PDPK1: variants seen among roughly 807,000 people sequenced by gnomAD.
The protein encoded by PDPK1 is 3-phosphoinositide-dependent protein kinase 1.
In PDPK1, 7 loss-of-function variants were observed where a neutral mutation model predicts 39.8. That is an observed-to-expected ratio of 0.18 (90% CI 0.10 to 0.33). The LOEUF (loss-of-function observed/expected upper bound fraction) is 0.33, where lower values mean the gene tolerates loss of function less well. Among genes scored for constraint, PDPK1 ranks in the 10% least tolerant of loss-of-function variants. PDPK1 has a pLI of 1.00. For synonymous variants in PDPK1, 118 were observed against 159.1 expected (o/e 0.74, Z 1.95); for missense variants, 182 against 384.7 (o/e 0.47, Z 4.41).
intron 1 of PDPK1, among the ~76,000 whole-genome samples, chr16:2,539,756 C>T (rs1328966690): frequency 1.3e-5 from 2 of 152,110 alleles, no homozygotes; most frequent in Admixed American, 1.3e-4. Flanking sequence ...TAACCTGCAC[C>T]CAGTGACAGT....
Position 2,601,811 on chromosome 16 carries a change from C to G in PDPK1, c.*4044C>G. On this transcript the variant is annotated 3_prime_UTR_variant, in exon 14 of 14. Transcript: ENST00000342085. ...GCTGGTGTAGATTTCAGGCCGCCCCCCCCAACTCCCTGCCCACAGTGTTGC... is the reference window on the plus strand; with the variant it reads ...GCTGGTGTAGATTTCAGGCCGCCCCGCCCAACTCCCTGCCCACAGTGTTGC... The G allele has an allele frequency of 4.4e-6, 1 of 227,100 alleles. No individual in the cohort carries two copies. The highest frequency in any genetic ancestry group is 8.8e-6 in the Non-Finnish European group (1 of 114,142). The allele number at this position is 227,100 out of a possible 1,614,324, so 14.1% of individuals were successfully genotyped here. A position where few individuals can be genotyped will look rare whatever the true frequency, so the allele number is the denominator to read the frequency against.
chr16:2,544,293 G>C (rs2066294480), intron 1 of PDPK1, among the ~76,000 whole-genome samples: 1 of 152,102 alleles, frequency 6.6e-6, no homozygotes, highest in South Asian at 2.1e-4. Context: ...GAAAAGCTTG[G>C]AGGGAGGTTC....
intron 6 of PDPK1, chr16:2,576,339 T>G (rs1056388100): frequency 2.0e-5 from 3 of 148,590 alleles, no homozygotes; most frequent in African/African-American, 7.9e-5. Context: ...CTTCGTTTGT[T>G]TTTGGCCCTT....
intron 1 of PDPK1, among the ~76,000 whole-genome samples, chr16:2,546,502 T>C (rs529251954): frequency 6.6e-6 from 1 of 152,224 alleles, no homozygotes; most frequent in African/African-American, 2.4e-5. Flanking sequence ...CTGGGCTAAT[T>C]TGTGTATTTT....
intron 7 of PDPK1, among the ~76,000 whole-genome samples, chr16:2,578,170 C>T (rs937636312): frequency 6.8e-6 from 1 of 147,746 alleles, no homozygotes; most frequent in East Asian, 2.1e-4. Flanking sequence ...CTCGGCCACA[C>T]ACCAGCTGCA....
rs2067191341 is a variant in PDPK1 at position 2,600,282 on chromosome 16, GACTTGGGGCCA to G, written c.*2516_*2526del. On this transcript the variant is annotated 3_prime_UTR_variant, in exon 14 of 14. Coordinates refer to ENST00000342085, the MANE Select transcript of PDPK1 (RefSeq NM_002613.5). ...GGAAGATTTCACCTGCTGTTTAATAGACTTGGGGCCATGTGCCTCCCCACACATGGGCAAGG... is the reference window on the plus strand; with the variant it reads ...GGAAGATTTCACCTGCTGTTTAATAGTGTGCCTCCCCACACATGGGCAAGG... 1 of 233,360 alleles carries G rather than the reference GACTTGGGGCCA, an allele frequency of 4.3e-6. No homozygotes were observed. The highest frequency in any genetic ancestry group is 8.5e-6 in the Non-Finnish European group (1 of 118,166). The allele number at this position is 233,360 out of a possible 1,614,324, so 14.5% of individuals were successfully genotyped here.
chr16:2,590,203 C>G (rs1022122151), intron 11 of PDPK1, among the ~76,000 whole-genome samples: 1 of 152,138 alleles, frequency 6.6e-6, no homozygotes, highest in Admixed American at 6.5e-5. Context: ...TCACTGCAAC[C>G]TCTACCTCCT....
Position 2,599,258 on chromosome 16 carries a change from G to T in PDPK1, c.*1491G>T, listed in dbSNP as rs2067164988. ...GGCAGACATTGCTGCCCACAGACCT[G>T]CCTCTGACTCAACTGTGTCCACCCT... On this transcript the variant is annotated 3_prime_UTR_variant, in exon 14 of 14. Transcript: ENST00000342085. The T allele has an allele frequency of 2.1e-5, 5 of 233,116 alleles. No individual in the cohort carries two copies. The highest frequency in any genetic ancestry group is 3.4e-5 in the Non-Finnish European group (4 of 118,056). The allele number at this position is 233,116 out of a possible 1,614,324, so 14.4% of individuals were successfully genotyped here.
rs556118246 is a variant in PDPK1, at chr16:2,593,183, G to A, written c.1344-2610G>A. ...CATGCCCAGATGATCAGGGTGGAGC[G>A]GCCCAGCTCAATGTCTTCATTTAGG... On this transcript the variant is annotated intron_variant, in intron 11 of 13. Transcript: ENST00000342085. The surrounding 1 kb of genome is among the most constrained non-coding windows in gnomAD (Gnocchi z 4.2). 28 of 428,712 alleles carry A rather than the reference G, an allele frequency of 6.5e-5. No individual in the cohort carries two copies. Among genetic ancestry groups the A allele is most frequent in the African/African-American group, 2.1e-4 (10 of 48,580 alleles). 26.6% of individuals were successfully genotyped at this position (428,712 alleles called of 1,614,324 possible).
chr16:2,597,411 C>T lies in PDPK1; in HGVS notation c.1554+136C>T, dbSNP rs377482205. The T allele has an allele frequency of 7.5e-5, 62 of 824,608 alleles. No homozygotes were observed. The Middle Eastern group carries it at 1.7e-3, about 23-fold the overall frequency. The allele number at this position is 824,608 out of a possible 1,614,324, so 51.1% of individuals were successfully genotyped here. On this transcript the variant is annotated intron_variant, in intron 13 of 13. Transcript: ENST00000342085. This position sits in a 1 kb window ranked among gnomAD's most constrained non-coding sequence, Gnocchi z 6.3. ...GCCTCGCCCTTTCCGACATCCCAGA[C>T]GCCCACACTAGTGGCTCAGTCCTGA...
At position 2,597,363 on chromosome 16, in the gene PDPK1, G is replaced by C; in HGVS notation, c.1554+88G>C. 8 of 1,213,586 alleles carry C rather than the reference G, an allele frequency of 6.6e-6. No homozygotes were observed. The highest frequency in any genetic ancestry group is 1.5e-5 in the African/African-American group (1 of 66,252). 75.2% of individuals were successfully genotyped at this position (1,213,586 alleles called of 1,614,324 possible). A position where few individuals can be genotyped will look rare whatever the true frequency, so the allele number is the denominator to read the frequency against. On this transcript the variant is annotated intron_variant, in intron 13 of 13. Coordinates refer to ENST00000342085, the MANE Select transcript of PDPK1 (RefSeq NM_002613.5). The surrounding 1 kb of genome is among the most constrained non-coding windows in gnomAD (Gnocchi z 6.3). Reference sequence around the variant, plus strand: ...AGCAGCCACAGGCCTTGGCCAGAGGGAGCAGCGGGGATCGGGGCAGCTGCC... The same window carrying C: ...AGCAGCCACAGGCCTTGGCCAGAGGCAGCAGCGGGGATCGGGGCAGCTGCC...
In PDPK1 at chr16:2,586,847, G is replaced by A; in HGVS notation, c.1297G>A (p.Asp433Asn). 1 of 1,614,264 alleles carries A rather than the reference G, an allele frequency of 6.2e-7. No homozygotes were observed. The highest frequency in any genetic ancestry group is 8.5e-7 in the Non-Finnish European group (1 of 1,180,044). Residue 433 changes from aspartate (D) to asparagine (N), a missense_variant, in exon 11 of 14, where the codon GAT (aspartate) becomes AAT (asparagine). Asp to Asn is a conservative substitution (Grantham distance 23, BLOSUM62 1). Around this residue, in one of 5 missense-constraint regions of PDPK1, gnomAD observed 90 missense variants for 111.9 expected, o/e 0.80. Transcript: ENST00000342085. ...SFELDLQFSE[D>N]EKRLLLEKQA... Reference sequence around the variant, plus strand: ...TGAACTGGACTTACAGTTTTCCGAAGATGAGAAGAGGTTGTTGTTGGAGAA... The same window carrying A: ...TGAACTGGACTTACAGTTTTCCGAAAATGAGAAGAGGTTGTTGTTGGAGAA...
At position 2,599,183 on chromosome 16, in the gene PDPK1, C is replaced by T. The variant is rs2067163440; in HGVS notation, c.*1416C>T. ...GCCTGGCAGGTCTGGGCCCTTCTCTCCCTGCCCAGGTTGTCCCTGGAGGGC... is the reference window on the plus strand; with the variant it reads ...GCCTGGCAGGTCTGGGCCCTTCTCTTCCTGCCCAGGTTGTCCCTGGAGGGC... On this transcript the variant is annotated 3_prime_UTR_variant, in exon 14 of 14. Transcript: ENST00000342085. The T allele has an allele frequency of 8.6e-6, 2 of 233,360 alleles. No homozygotes were observed. Among genetic ancestry groups the T allele is most frequent in the South Asian group, 1.8e-4 (1 of 5,542 alleles). 14.5% of individuals were successfully genotyped at this position (233,360 alleles called of 1,614,324 possible). A position where few individuals can be genotyped will look rare whatever the true frequency, so the allele number is the denominator to read the frequency against.
intron 1 of PDPK1, among the ~76,000 whole-genome samples, chr16:2,540,815 A>AC (rs1567141898): frequency 3.9e-5 from 6 of 152,188 alleles, no homozygotes; most frequent in Non-Finnish European, 7.3e-5. Flanking sequence ...GGAACAAAGA[A>AC]ACATGTAATG....
At chr16:2,540,373 T>G (rs913387717) in intron 1 of PDPK1, among the ~76,000 whole-genome samples, 1 of 152,246 alleles carries the variant, frequency 6.6e-6, no homozygotes, top group African/African-American at 2.4e-5. Flanking sequence ...CTAGGTACTT[T>G]CACACCTCAT....
rs1011814480 is a variant in PDPK1, at chr16:2,599,786, A to G, written c.*2019A>G. ...GGAGAGTGGCTCTCTCAGATCTCTC[A>G]GGGCGTCTGGTTATAGGGAAACAAG... is the stretch of plus-strand genomic sequence containing the variant. On this transcript the variant is annotated 3_prime_UTR_variant, in exon 14 of 14. Coordinates refer to ENST00000342085, the MANE Select transcript of PDPK1 (RefSeq NM_002613.5). 1.2e-4 allele frequency: 28 copies of G among 233,596 alleles called. No homozygotes were observed. The highest frequency in any genetic ancestry group is 6.0e-4 in the African/African-American group (27 of 45,378). 14.5% of individuals were successfully genotyped at this position (233,596 alleles called of 1,614,324 possible).
In PDPK1 at chr16:2,597,739, A is replaced by G; in HGVS notation, c.1643A>G (p.Gln548Arg). Residue 548 changes from glutamine to arginine, a missense_variant, in exon 14 of 14, where the codon CAG becomes CGG. Gln to Arg is a conservative substitution (Grantham distance 43). Transcript: ENST00000342085. The surrounding 1 kb of genome is among the most constrained non-coding windows in gnomAD (Gnocchi z 6.3). ...KIQEVWRQRY[Q>R]SHPDAAVQ ...CAGGAGGTTTGGAGGCAGCGATACCAGAGCCACCCGGACGCCGCTGTGCAG... is the reference window on the plus strand; with the variant it reads ...CAGGAGGTTTGGAGGCAGCGATACCGGAGCCACCCGGACGCCGCTGTGCAG... 2 of 1,612,982 alleles carry G rather than the reference A, an allele frequency of 1.2e-6. No homozygotes were observed. Among genetic ancestry groups the G allele is most frequent in the South Asian group, 1.1e-5 (1 of 91,028 alleles).
chr16:2,590,108 T>G (rs922892012), intron 11 of PDPK1, among the ~76,000 whole-genome samples: 2 of 152,192 alleles, frequency 1.3e-5, no homozygotes, highest in Non-Finnish European at 2.9e-5. Context: ...GTCCCCTGGC[T>G]TCTCATCACG....
Position 2,585,529 on chromosome 16 carries a change from C to T in PDPK1, c.1126-1147C>T, listed in dbSNP as rs894515001. Among the ~76,000 whole-genome samples, 10 of 152,366 alleles carry T rather than the reference C, an allele frequency of 6.6e-5. No individual in the cohort carries two copies. The South Asian group carries it at 2.1e-3, about 32-fold the overall frequency. On this transcript the variant is annotated intron_variant, in intron 10 of 13. Transcript: ENST00000342085. ...CATGGTACCTGCCCTTGGGCCAAGG[C>T]AGGAGAGCAGGTGCTTCGTTGGCTC...
Sources: gnomAD v4.1 joint callset for allele counts (sites outside exome capture counted in the v4.1 genomes callset) on GRCh38, gnomAD v4.1.1 for gene constraint, gnomAD v4.1.1 regional missense constraint, Gnocchi (gnomAD v3.1) non-coding constraint, MANE v1.5 for transcripts, NCBI Gene and HGNC (gene_info 2026-07-23, HGNC 2026-07-21) for gene names.